EGF: variants seen among roughly 807,000 people sequenced by gnomAD.
EGF encodes epidermal growth factor.
EGF carries 95 observed loss-of-function variants against 143.8 expected under a neutral mutation model. The observed-to-expected ratio is 0.66, with a 90% confidence interval of 0.56 to 0.78. The LOEUF (loss-of-function observed/expected upper bound fraction) is 0.78. EGF is among the 30% of genes least tolerant of loss of function. The probability of loss-of-function intolerance (pLI) is 0.00; values close to 1 mark genes in which losing one functional copy is unlikely to be tolerated. For missense variants in EGF, 1,320 were observed against 1,470.9 expected (o/e 0.90, Z 1.68); for synonymous variants, 510 against 510.5 (o/e 1.00, Z 0.01).
Position 109,977,886 on chromosome 4 carries a change from G to A in EGF, c.2053+1651G>A, listed in dbSNP as rs11568997. ...ACATCACCCAAATAAATGTAAAATT[G>A]TATCTTTGACATAAAAAGGTAGAAA... On this transcript the variant is annotated intron_variant, in intron 13 of 23. Coordinates refer to ENST00000265171, the MANE Select transcript of EGF (RefSeq NM_001963.6). 3.4e-3 allele frequency among the ~76,000 whole-genome samples: 522 copies of A among 152,198 alleles called. 3 individuals are homozygous for A. The highest frequency in any genetic ancestry group is 0.012 in the African/African-American group (494 of 41,538).
chr4:109,988,490 G>A, intron 17 of EGF, 94 bp from the exon 18 acceptor site: 1 of 1,582,178 alleles, frequency 6.3e-7, no homozygotes, highest in South Asian at 1.1e-5. Flanking sequence ...GACTGAATAA[G>A]AATTGAATAT....
chr4:109,915,146 T>C (rs547061750), intron 1 of EGF, among the ~76,000 whole-genome samples: 1 of 152,272 alleles, frequency 6.6e-6, no homozygotes, highest in Non-Finnish European at 1.5e-5. Flanking sequence ...CCAATAAACA[T>C]GAAACCCAGG....
chr4:109,997,025 G>C (rs764640432), intron 20 of EGF, among the ~76,000 whole-genome samples: 1 of 151,702 alleles, frequency 6.6e-6, no homozygotes, highest in Non-Finnish European at 1.5e-5. Context: ...GGAGACCATC[G>C]TCTTATTATT....
intron 1 of EGF, among the ~76,000 whole-genome samples, chr4:109,917,699 C>A (rs573663881): frequency 6.6e-6 from 1 of 152,276 alleles, no homozygotes; most frequent in South Asian, 2.1e-4. Flanking sequence ...TGGCTCACTG[C>A]AACCTCCGCC....
At chr4:109,999,647 C>T in intron 20 of EGF, 32 bp from the exon 21 acceptor site, 1 of 1,614,198 alleles carries the variant, frequency 6.2e-7, no homozygotes, top group Non-Finnish European at 8.5e-7. Flanking sequence ...GGCCAGGCAT[C>T]TCTGATGACC....
At position 109,918,966 on chromosome 4, in the gene EGF, C is replaced by T. The variant is rs115657209; in HGVS notation, c.127+5504C>T. On this transcript the variant is annotated intron_variant, in intron 1 of 23. Coordinates refer to ENST00000265171, the MANE Select transcript of EGF (RefSeq NM_001963.6). ...CAGTGATACTGACCTGCACCTTGGC[C>T]GCTTTCCTGGGCCTCCTTAATCTAC... Among the ~76,000 whole-genome samples the T allele has an allele frequency of 2.6e-3, 398 of 152,256 alleles. 1 individual carries two copies. The highest frequency in any genetic ancestry group is 8.6e-3 in the African/African-American group (357 of 41,562).
chr4:109,965,244 A>G (rs1746368264), intron 10 of EGF, among the ~76,000 whole-genome samples: 1 of 152,112 alleles, frequency 6.6e-6, no homozygotes, highest in Non-Finnish European at 1.5e-5. Context: ...ATTACCCTGC[A>G]TAATTATTTA....
chr4:109,996,453 T>A (rs951040868), intron 20 of EGF, among the ~76,000 whole-genome samples: 13 of 152,234 alleles, frequency 8.5e-5, no homozygotes, highest in African/African-American at 3.1e-4. Flanking sequence ...GATCATAACC[T>A]TGTTTTTAAA....
intron 23 of EGF, among the ~76,000 whole-genome samples, chr4:110,009,441 C>T (rs1371114325): frequency 3.3e-5 from 5 of 152,144 alleles, no homozygotes; most frequent in East Asian, 3.8e-4. Context: ...TATAGAGGCA[C>T]ATATAATGTA....
At position 109,968,933 on chromosome 4, in the gene EGF, TA is replaced by T. The variant is rs11568980; in HGVS notation, c.1576-29del. The T allele has an allele frequency of 0.015, 24,664 of 1,604,952 alleles. 2,400 individuals carry two copies. In the East Asian group the frequency reaches 0.25, roughly 16 times the overall value. On this transcript the variant is annotated intron_variant, in intron 10 of 23. Coordinates refer to ENST00000265171, the MANE Select transcript of EGF (RefSeq NM_001963.6). Reference sequence around the variant, plus strand: ...ATTTGTATATATTCCACATTAGTTTTAAAAAAAAATCAGAAATGCCTGTGTT... The same window carrying T: ...ATTTGTATATATTCCACATTAGTTTTAAAAAAAATCAGAAATGCCTGTGTT...
In EGF at chr4:109,964,316, G is replaced by A. The variant is rs1038066893; in HGVS notation, c.1439-85G>A. 2.1e-5 allele frequency: 33 copies of A among 1,580,098 alleles called. No homozygotes were observed. In the African/African-American group the frequency reaches 4.2e-4, roughly 20 times the overall value. Reference sequence around the variant, plus strand: ...AGTACTGTAGAAATTGGGTAAAAAGGTACAGTGAAAGGGAAGAGTCAGAGA... The same window carrying A: ...AGTACTGTAGAAATTGGGTAAAAAGATACAGTGAAAGGGAAGAGTCAGAGA... On this transcript the variant is annotated intron_variant, in intron 9 of 23. Coordinates refer to ENST00000265171, the MANE Select transcript of EGF (RefSeq NM_001963.6).
At position 109,960,976 on chromosome 4, in the gene EGF, G is replaced by A; in HGVS notation, c.1176G>A (p.Gly392=). The A allele has an allele frequency of 4.3e-6, 7 of 1,613,890 alleles. No individual in the cohort carries two copies. Among genetic ancestry groups the A allele is most frequent in the Non-Finnish European group, 5.9e-6 (7 of 1,179,884 alleles). ...TAGGATTTGTTCTGCTTCCTGATGG[G>A]AAACGATGTCATCGTAAGTTATAGC... ...CPVGFVLLPD[G]KRCHQLVSCP... Residue 392 remains glycine (G), a synonymous_variant, in exon 7 of 24, where the codon GGG becomes GGA. Coordinates refer to ENST00000265171, the MANE Select transcript of EGF (RefSeq NM_001963.6).
chr4:109,952,741 G>A (rs763713730), intron 5 of EGF, among the ~76,000 whole-genome samples: 21 of 152,168 alleles, frequency 1.4e-4, no homozygotes, highest in Non-Finnish European at 2.8e-4. Context: ...ACATTTACAA[G>A]GATACATGCC....
At chr4:109,967,885 A>G (rs1746862412) in intron 10 of EGF, among the ~76,000 whole-genome samples, 1 of 152,202 alleles carries the variant, frequency 6.6e-6, no homozygotes, top group South Asian at 2.1e-4. Context: ...TAGAAAAGGT[A>G]CAGTAAAAAA....
chr4:109,932,374 T>C (rs1739889980), intron 1 of EGF, among the ~76,000 whole-genome samples: 2 of 130,728 alleles, frequency 1.5e-5, no homozygotes, highest in Non-Finnish European at 3.2e-5. Flanking sequence ...TATATATATA[T>C]ATAAATTTTT....
intron 1 of EGF, among the ~76,000 whole-genome samples, chr4:109,930,269 GAGAT>G (rs1401694322): frequency 6.6e-6 from 1 of 152,196 alleles, no homozygotes; most frequent in Non-Finnish European, 1.5e-5. Context: ...AAGAGGAGAT[GAGAT>G]AGTTTTTTGG....
At chr4:109,997,526 A>G (rs902368823) in intron 20 of EGF, among the ~76,000 whole-genome samples, 4 of 151,772 alleles carry the variant, frequency 2.6e-5, no homozygotes, top group African/African-American at 9.7e-5. Flanking sequence ...CAGTGGCGCA[A>G]TCTCAGCTCA....
At chr4:109,933,833 T>C (rs1740260797) in intron 1 of EGF, among the ~76,000 whole-genome samples, 2 of 152,164 alleles carry the variant, frequency 1.3e-5, no homozygotes, top group Admixed American at 1.3e-4. Context: ...CGATAGACAT[T>C]TGGGTTGGTT....
chr4:109,994,177 T>C (rs554726037), intron 19 of EGF, among the ~76,000 whole-genome samples: 1 of 152,330 alleles, frequency 6.6e-6, no homozygotes, highest in Non-Finnish European at 1.5e-5. Context: ...TTTACTATTA[T>C]ATTTTGGCAT....
Sources: allele counts gnomAD v4.1 joint callset (sites outside exome capture counted in the v4.1 genomes callset), GRCh38; gene constraint gnomAD v4.1.1; transcripts MANE v1.5; gene names NCBI Gene and HGNC (gene_info 2026-07-23, HGNC 2026-07-21).